The following SBF2 variants were observed in gnomAD, a reference collection of about 807,000 sequenced individuals.
SBF2 encodes the protein myotubularin-related protein 13.
SBF2 carries 112 observed loss-of-function variants against 225.2 expected under a neutral mutation model. That is an observed-to-expected ratio of 0.50 (90% confidence interval 0.43 to 0.58). The LOEUF (loss-of-function observed/expected upper bound fraction) is 0.58, where lower values mean the gene tolerates loss of function less well. Ranked by LOEUF, SBF2 falls within the 20% of genes least tolerant of loss-of-function variation. SBF2 has a pLI of 0.00. For synonymous variants in SBF2, 763 were observed against 773.3 expected, an observed-to-expected ratio of 0.99 and a Z score of 0.22; for missense variants, 1,996 against 2,206.2, an observed-to-expected ratio of 0.90 and a Z score of 1.91.
At chr11:10,293,269 T>C (rs1210139808) in intron 1 of SBF2, among the ~76,000 whole-genome samples, 4 of 152,232 alleles carry the variant, frequency 2.6e-5, no homozygotes, top group Admixed American at 6.5e-5. Context: ...TAAAATACAA[T>C]GCATTTGCCC....
intron 1 of SBF2, among the ~76,000 whole-genome samples, chr11:10,218,664 T>C (rs928431143): frequency 6.6e-6 from 1 of 152,156 alleles, no homozygotes; most frequent in African/African-American, 2.4e-5. Context: ...CATACCACCC[T>C]GAATGCACCT....
At chr11:9,951,331 T>C (rs1865849537) in intron 16 of SBF2, among the ~76,000 whole-genome samples, 1 of 152,226 alleles carries the variant, frequency 6.6e-6, no homozygotes, top group Non-Finnish European at 1.5e-5. Flanking sequence ...ACTTGAAATA[T>C]ACGAGTATCA....
In SBF2 at chr11:9,950,580, T is replaced by A. The variant is rs1865801388; in HGVS notation, c.1860+11377A>T. ...AGTATGAACATTTGCACTTTAAATATATCGATGACACTCCTGTCCACTGGC... is the reference window on the plus strand; with the variant it reads ...AGTATGAACATTTGCACTTTAAATAAATCGATGACACTCCTGTCCACTGGC... On this transcript the variant is annotated intron_variant, in intron 16 of 39. Coordinates refer to ENST00000256190, the MANE Select transcript of SBF2 (RefSeq NM_030962.4). Among the ~76,000 whole-genome samples the A allele has an allele frequency of 2.0e-5, 3 of 152,340 alleles. No homozygotes were observed. The South Asian group carries it at 6.2e-4, about 32-fold the overall frequency.
At chr11:10,144,282 G>A (rs1418382524) in intron 2 of SBF2, among the ~76,000 whole-genome samples, 1 of 152,122 alleles carries the variant, frequency 6.6e-6, no homozygotes, top group African/African-American at 2.4e-5. Context: ...GAGCCCAGGA[G>A]TTTGAGACCA....
intron 16 of SBF2, among the ~76,000 whole-genome samples, chr11:9,896,308 G>C (rs1861247982): frequency 6.6e-6 from 1 of 152,062 alleles, no homozygotes; most frequent in Non-Finnish European, 1.5e-5. Context: ...TTACTTTCCT[G>C]CTCTACAAAG....
In SBF2 at chr11:9,789,086, G is replaced by A. The variant is rs752397526; in HGVS notation, c.4932+23C>T. ...CCTCCAGGGCCCCTGGTGCCCCTAG[G>A]TGTGTGTCTACAGTTGACTTACACT... On this transcript the variant is annotated intron_variant, in intron 35 of 39. Coordinates refer to ENST00000256190, the MANE Select transcript of SBF2 (RefSeq NM_030962.4). 10 of 1,605,012 alleles carry A rather than the reference G, an allele frequency of 6.2e-6. No individual in the cohort carries two copies. In the Admixed American group the frequency reaches 1.0e-4, roughly 16 times the overall value.
At chr11:9,873,529 A>AG (rs1858961847) in intron 17 of SBF2, among the ~76,000 whole-genome samples, 1 of 152,180 alleles carries the variant, frequency 6.6e-6, no homozygotes, top group Non-Finnish European at 1.5e-5. Flanking sequence ...TAGTTGCACA[A>AG]GGTCATGGTA....
chr11:10,300,261 G>A (rs567568265), intron 1 of SBF2, among the ~76,000 whole-genome samples: 1 of 152,168 alleles, frequency 6.6e-6, no homozygotes, highest in Admixed American at 6.5e-5. Context: ...GACTGCATTG[G>A]TGATTACTGT....
intron 2 of SBF2, among the ~76,000 whole-genome samples, chr11:10,050,384 G>A (rs1950016068): frequency 6.6e-6 from 1 of 151,970 alleles, no homozygotes. Flanking sequence ...CTAAAACTGT[G>A]GATAATACCG....
chr11:10,217,847 A>G (rs1347786906), intron 1 of SBF2, among the ~76,000 whole-genome samples: 2 of 152,166 alleles, frequency 1.3e-5, no homozygotes, highest in Non-Finnish European at 2.9e-5. Context: ...ACAATTCCAC[A>G]TGGCTGGGGA....
chr11:10,037,605 A>G (rs1242208990), intron 3 of SBF2, among the ~76,000 whole-genome samples: 1 of 151,850 alleles, frequency 6.6e-6, no homozygotes, highest in African/African-American at 2.4e-5. Context: ...AAACCTACCT[A>G]TATGGTCAAC....
intron 16 of SBF2, among the ~76,000 whole-genome samples, chr11:9,901,303 G>T (rs1454396462): frequency 6.6e-6 from 1 of 152,136 alleles, no homozygotes; most frequent in Non-Finnish European, 1.5e-5. Context: ...GAACTCAAGA[G>T]ACTCAAGGGA....
At chr11:9,847,900 T>G (rs2133976369) in intron 22 of SBF2, among the ~76,000 whole-genome samples, 1 of 152,248 alleles carries the variant, frequency 6.6e-6, no homozygotes. Flanking sequence ...ATTTAAATAT[T>G]TCAGAGAAGG....
At chr11:10,104,681 A>T (rs1952473072) in intron 2 of SBF2, among the ~76,000 whole-genome samples, 1 of 152,182 alleles carries the variant, frequency 6.6e-6, no homozygotes, top group African/African-American at 2.4e-5. Context: ...AAATAGTCAC[A>T]TTAGATTCTA....
At chr11:9,993,295 A>G (rs532261721) in intron 10 of SBF2, among the ~76,000 whole-genome samples, 192 bp from the exon 11 acceptor site, 74 of 152,332 alleles carry the variant, frequency 4.9e-4, no homozygotes, top group African/African-American at 1.8e-3. Flanking sequence ...TATTGGAATC[A>G]CAGTTTAGAA....
intron 1 of SBF2, among the ~76,000 whole-genome samples, chr11:10,246,287 CTTTT>C (rs1394639836): frequency 2.0e-5 from 3 of 152,040 alleles, no homozygotes; most frequent in Non-Finnish European, 4.4e-5. Context: ...TTCTTTCTTT[CTTTT>C]TTGTGTTTTT....
chr11:9,996,292 C>G (rs1003572618), intron 9 of SBF2, among the ~76,000 whole-genome samples: 4 of 152,218 alleles, frequency 2.6e-5, no homozygotes, highest in Non-Finnish European at 5.9e-5. Context: ...CATTCAAATA[C>G]TACCTTCTCA....
At chr11:9,950,676 G>A (rs907401676) in intron 16 of SBF2, among the ~76,000 whole-genome samples, 9 of 152,114 alleles carry the variant, frequency 5.9e-5, no homozygotes, top group Non-Finnish European at 1.0e-4. Flanking sequence ...CAACATGTCC[G>A]TCAACATTCT....
chr11:10,042,291 G>C (rs1949683684), intron 3 of SBF2, among the ~76,000 whole-genome samples: 1 of 152,104 alleles, frequency 6.6e-6, no homozygotes, highest in Non-Finnish European at 1.5e-5. Context: ...ACTCCTTTCT[G>C]CTTAGAGAAA....
Sources: allele counts gnomAD v4.1 joint callset (sites outside exome capture counted in the v4.1 genomes callset), GRCh38; gene constraint gnomAD v4.1.1; transcripts MANE v1.5; gene names NCBI Gene and HGNC (gene_info 2026-07-23, HGNC 2026-07-21).